PLCB1: variants seen among roughly 807,000 people sequenced by gnomAD.
PLCB1 encodes the protein 1-phosphatidylinositol 4,5-bisphosphate phosphodiesterase beta-1.
A neutral mutation model predicts 161.8 loss-of-function variants in PLCB1; 46 were observed. The ratio of observed to expected loss-of-function variants is 0.28; its 90% CI spans 0.22 to 0.36. PLCB1 has a LOEUF of 0.36. PLCB1 is among the 10% of genes least tolerant of loss of function. The pLI, the probability that PLCB1 is intolerant of heterozygous loss-of-function variation, is 1.00. For missense variants in PLCB1, 1,016 were observed against 1,472.5 expected, an observed-to-expected ratio of 0.69 and a Z score of 5.07; for synonymous variants, 517 against 503.7, an observed-to-expected ratio of 1.03 and a Z score of -0.35.
chr20:8,553,022 G>T (rs1985825007), intron 3 of PLCB1, among the ~76,000 whole-genome samples: 2 of 152,070 alleles, frequency 1.3e-5, no homozygotes, highest in Non-Finnish European at 2.9e-5. Flanking sequence ...ATTTGATGAT[G>T]CTTGAAAACA....
intron 2 of PLCB1, among the ~76,000 whole-genome samples, chr20:8,355,603 A>G (rs113091260): frequency 6.6e-6 from 1 of 152,192 alleles, no homozygotes; most frequent in African/African-American, 2.4e-5. Context: ...GGCTGTATTC[A>G]GGCAGCAATT....
intron 2 of PLCB1, among the ~76,000 whole-genome samples, chr20:8,289,721 GA>G (rs144138293): frequency 0.013 from 2,034 of 152,282 alleles, 37 homozygotes; most frequent in African/African-American, 0.047. Context: ...ATCTCACAGT[GA>G]ATAAAGTCTA....
intron 2 of PLCB1, among the ~76,000 whole-genome samples, chr20:8,349,154 A>G (rs958917375): frequency 2.2e-4 from 34 of 152,322 alleles, no homozygotes; most frequent in African/African-American, 8.2e-4. Flanking sequence ...AGTGGTGCAC[A>G]GACAATAAAA....
intron 1 of PLCB1, among the ~76,000 whole-genome samples, chr20:8,148,825 A>G (rs182138157): frequency 2.6e-3 from 401 of 152,348 alleles, no homozygotes; most frequent in Admixed American, 5.5e-3. Flanking sequence ...TTTTACTTAT[A>G]TAACTACTTA....
In PLCB1 at chr20:8,132,562, A is replaced by G. The variant is rs899419635; in HGVS notation, c.-90A>G. ...AGTCGAGCGCCTCCGGAGCAGAGAA[A>G]GGAGCCCGCGCCCCGCGCCCCGCGC... On this transcript the variant is annotated 5_prime_UTR_variant, in exon 1 of 32. Coordinates refer to ENST00000338037, the MANE Select transcript of PLCB1 (RefSeq NM_015192.4). The surrounding 1 kb of genome is among the most constrained non-coding windows in gnomAD (Gnocchi z 5.2). The G allele has an allele frequency of 2.3e-5, 18 of 781,290 alleles. No homozygotes were observed. Among genetic ancestry groups the G allele is most frequent in the Admixed American group, 4.3e-5 (1 of 23,204 alleles). 48.4% of individuals were successfully genotyped at this position (781,290 alleles called of 1,614,324 possible).
intron 2 of PLCB1, among the ~76,000 whole-genome samples, chr20:8,328,938 A>G (rs951836608): frequency 6.6e-6 from 1 of 152,370 alleles, no homozygotes; most frequent in Middle Eastern, 3.4e-3. Context: ...GGGAAAAGCT[A>G]TCAATCCTGA....
chr20:8,155,693 G>A (rs898674545), intron 2 of PLCB1, among the ~76,000 whole-genome samples: 5 of 152,088 alleles, frequency 3.3e-5, no homozygotes, highest in African/African-American at 1.2e-4. Flanking sequence ...CTTCTCTAGG[G>A]TATCCCAAAA....
At chr20:8,137,969 TC>T (rs755513067) in intron 1 of PLCB1, among the ~76,000 whole-genome samples, 5 of 152,234 alleles carry the variant, frequency 3.3e-5, no homozygotes, top group Non-Finnish European at 7.3e-5. Flanking sequence ...TTGATTGGGT[TC>T]TTGTCTGTCC....
At chr20:8,546,445 A>G (rs1398909948) in intron 3 of PLCB1, among the ~76,000 whole-genome samples, 2 of 152,038 alleles carry the variant, frequency 1.3e-5, no homozygotes, top group Non-Finnish European at 2.9e-5. Flanking sequence ...TATATGATAC[A>G]TTCATAAGTT....
chr20:8,499,482 G>A (rs551111155), intron 3 of PLCB1, among the ~76,000 whole-genome samples: 3 of 152,126 alleles, frequency 2.0e-5, no homozygotes, highest in African/African-American at 7.2e-5. Context: ...GCCAATGACT[G>A]TATCAGTTGT....
At chr20:8,232,879 C>T (rs1296758300) in intron 2 of PLCB1, among the ~76,000 whole-genome samples, 2 of 152,114 alleles carry the variant, frequency 1.3e-5, no homozygotes, top group African/African-American at 2.4e-5. Context: ...TGGTCCAATA[C>T]CCTTCTAGCA....
intron 2 of PLCB1, among the ~76,000 whole-genome samples, chr20:8,175,252 G>A (rs906130960): frequency 2.0e-5 from 3 of 151,626 alleles, no homozygotes; most frequent in African/African-American, 4.8e-5. Context: ...TAAATAAATG[G>A]AAAACAAATA....
intron 2 of PLCB1, among the ~76,000 whole-genome samples, chr20:8,286,086 A>G (rs930461182): frequency 6.6e-6 from 1 of 152,206 alleles, no homozygotes; most frequent in African/African-American, 2.4e-5. Flanking sequence ...GCACTTTGGG[A>G]GGCCAAGGCA....
rs6039145 is a variant in PLCB1, at chr20:8,338,054, C to T, written c.178-33328C>T. Among the ~76,000 whole-genome samples the T allele has an allele frequency of 3.4e-3, 524 of 152,174 alleles. 3 individuals carry two copies. Among genetic ancestry groups the T allele is most frequent in the African/African-American group, 0.012 (486 of 41,510 alleles). On this transcript the variant is annotated intron_variant, in intron 2 of 31. Coordinates refer to ENST00000338037, the MANE Select transcript of PLCB1 (RefSeq NM_015192.4). ...AACCAAGACTGTGGTTCTCAGGAAG[C>T]CAGAGACGTCCAGGATTCAGAGATG...
At chr20:8,377,692 A>G (rs1248494364) in intron 3 of PLCB1, among the ~76,000 whole-genome samples, 1 of 152,192 alleles carries the variant, frequency 6.6e-6, no homozygotes, top group African/African-American at 2.4e-5. Context: ...AAGATTCTAG[A>G]ACAACTATTA....
chr20:8,837,935 G>A (rs562403714), intron 31 of PLCB1, among the ~76,000 whole-genome samples: 3 of 152,204 alleles, frequency 2.0e-5, no homozygotes, highest in Non-Finnish European at 4.4e-5. Context: ...GTGGAGTCAG[G>A]CAGCAACCAA....
chr20:8,667,297 G>A (rs1329847401), intron 9 of PLCB1, among the ~76,000 whole-genome samples: 1 of 152,134 alleles, frequency 6.6e-6, no homozygotes, highest in East Asian at 1.9e-4. Flanking sequence ...CTCTGCGGAA[G>A]GTTACAGAAA....
intron 3 of PLCB1, among the ~76,000 whole-genome samples, chr20:8,481,292 C>T (rs746894898): frequency 9.3e-4 from 142 of 152,188 alleles, no homozygotes; most frequent in African/African-American, 2.7e-3. Flanking sequence ...GAACTGCTAA[C>T]GAGCAAAACT....
intron 2 of PLCB1, among the ~76,000 whole-genome samples, chr20:8,349,977 A>AT (rs1480921040): frequency 6.6e-6 from 1 of 152,234 alleles, no homozygotes; most frequent in African/African-American, 2.4e-5. Context: ...ATTAAAAAAA[A>AT]CTTTCTAGAA....
Sources: allele counts gnomAD v4.1 joint callset (sites outside exome capture counted in the v4.1 genomes callset), GRCh38; gene constraint gnomAD v4.1.1; non-coding constraint Gnocchi (gnomAD v3.1); transcripts MANE v1.5; gene names NCBI Gene and HGNC (gene_info 2026-07-23, HGNC 2026-07-21).